SUCLG2: variants seen among roughly 807,000 people sequenced by gnomAD.
SUCLG2 encodes succinate-CoA ligase GDP-forming subunit beta.
In SUCLG2, 42 loss-of-function variants were observed where a neutral mutation model predicts 47.9. The ratio of observed to expected loss-of-function variants is 0.88; its 90% confidence interval spans 0.69 to 1.14. The LOEUF is 1.14. Among genes scored for constraint, SUCLG2 ranks in the 50% most tolerant of loss-of-function variants. The probability of loss-of-function intolerance (pLI) is 0.00; values close to 1 mark genes in which losing one functional copy is unlikely to be tolerated. For synonymous variants in SUCLG2, 195 were observed against 197.3 expected (o/e 0.99, Z 0.10); for missense variants, 571 against 525.9 (o/e 1.09, Z -0.84).
At chr3:67,583,307 T>C (rs560770452) in intron 2 of SUCLG2, among the ~76,000 whole-genome samples, 15 of 152,300 alleles carry the variant, frequency 9.8e-5, no homozygotes, top group African/African-American at 3.6e-4. Flanking sequence ...TCCTCCCCGC[T>C]TGCCTGCCTC....
At chr3:67,522,306 A>G (rs1706130108) in intron 4 of SUCLG2, among the ~76,000 whole-genome samples, 1 of 151,964 alleles carries the variant, frequency 6.6e-6, no homozygotes, top group African/African-American at 2.4e-5. Context: ...AAGATTCCCA[A>G]AGTGTTGGGA....
At chr3:67,449,685 G>A (rs868307275) in intron 9 of SUCLG2, among the ~76,000 whole-genome samples, 6 of 150,482 alleles carry the variant, frequency 4.0e-5, no homozygotes, top group South Asian at 2.1e-4. Flanking sequence ...GCGTGACCTC[G>A]CTCACTGGAG....
chr3:67,453,808 T>C (rs777128464), intron 9 of SUCLG2, among the ~76,000 whole-genome samples: 13 of 152,228 alleles, frequency 8.5e-5, no homozygotes, highest in Non-Finnish European at 1.5e-4. Flanking sequence ...CTGTGTTCAC[T>C]GGTCACATGT....
chr3:67,403,100 G>A (rs967777249), intron 9 of SUCLG2, among the ~76,000 whole-genome samples: 1 of 152,144 alleles, frequency 6.6e-6, no homozygotes, highest in Non-Finnish European at 1.5e-5. Context: ...AGAGTCCGAT[G>A]TTAAAAATAG....
In SUCLG2 at chr3:67,512,755, C is replaced by T. The variant is rs1705830290; in HGVS notation, c.661-3852G>A. The stretch of plus-strand genomic sequence containing the variant: ...CCTAGAACTTCTTCATCTTCCCTCA[C>T]ACTCTGTATCGCTAAACAAACTCCC... On this transcript the variant is annotated intron_variant, in intron 6 of 10. Coordinates refer to ENST00000307227, the MANE Select transcript of SUCLG2 (RefSeq NM_003848.4). Among the ~76,000 whole-genome samples, 2 of 150,848 alleles carry T rather than the reference C, an allele frequency of 1.3e-5. 1 individual carries two copies. The highest frequency in any genetic ancestry group is 5.0e-5 in the African/African-American group (2 of 40,282).
chr3:67,409,159 G>T (rs1419399510), intron 9 of SUCLG2: 1 of 1,132,440 alleles, frequency 8.8e-7, no homozygotes, highest in Non-Finnish European at 1.2e-6. Flanking sequence ...TCATGGTTTT[G>T]GCATTTCCTA....
At chr3:67,386,928 G>T (rs146929433) in intron 10 of SUCLG2, among the ~76,000 whole-genome samples, 423 of 152,250 alleles carry the variant, frequency 2.8e-3, no homozygotes, top group African/African-American at 9.6e-3. Flanking sequence ...CCTTTGACAT[G>T]AAGACTCCCA....
intron 5 of SUCLG2, 143 bp downstream of exon 5, chr3:67,520,339 A>G: frequency 8.3e-7 from 1 of 1,207,154 alleles, no homozygotes; most frequent in Non-Finnish European, 1.2e-6. Context: ...CTGGATACCC[A>G]GAAAGAAAAA....
chr3:67,550,331 C>CT (rs1023023288), intron 2 of SUCLG2, among the ~76,000 whole-genome samples: 8 of 151,886 alleles, frequency 5.3e-5, no homozygotes, highest in Admixed American at 3.3e-4. Context: ...ACACATCTTC[C>CT]TTTTTTTTGT....
chr3:67,520,622 C>A lies in SUCLG2; in HGVS notation c.430G>T (p.Glu144Ter). The A allele has an allele frequency of 1.2e-6, 2 of 1,611,898 alleles. No homozygotes were observed. Among genetic ancestry groups the A allele is most frequent in the Non-Finnish European group, 1.7e-6 (2 of 1,179,286 alleles). ...GTTTCTCTGGAAATATCCAAGGCTT[C>A]AGCAACCATCACCTACCACATTAGT... ...GVKVNKVMVA[E>*]ALDISRETYL... Residue 144 changes from glutamate (E) to a stop codon, truncating the protein, a stop_gained, in exon 5 of 11, where the codon GAA becomes TAA. Transcript: ENST00000307227. LOFTEE classifies it high-confidence loss of function.
chr3:67,645,648 G>C (rs1465577902), intron 1 of SUCLG2, among the ~76,000 whole-genome samples: 2 of 151,800 alleles, frequency 1.3e-5, no homozygotes, highest in Non-Finnish European at 2.9e-5. Context: ...CACTTTAAAA[G>C]AGCCCTGAAT....
intron 2 of SUCLG2, among the ~76,000 whole-genome samples, chr3:67,541,225 T>C (rs1328598075): frequency 6.6e-6 from 1 of 152,102 alleles, no homozygotes; most frequent in Non-Finnish European, 1.5e-5. Flanking sequence ...TTGACAGAAG[T>C]AGGTTTCAGA....
intron 7 of SUCLG2, among the ~76,000 whole-genome samples, chr3:67,501,159 T>A (rs755552057): frequency 1.3e-5 from 2 of 152,182 alleles, no homozygotes; most frequent in Non-Finnish European, 2.9e-5. Context: ...ATTGGATCAT[T>A]GCATGTATGT....
chr3:67,360,460 T>C, exon 11 of SUCLG2: 1 of 629,576 alleles, frequency 1.6e-6, no homozygotes, highest in East Asian at 2.8e-5. Context: ...ATTACCTACC[T>C]GGACACAATT....
intron 2 of SUCLG2, among the ~76,000 whole-genome samples, chr3:67,566,476 T>C (rs908098813): frequency 2.0e-5 from 3 of 152,206 alleles, no homozygotes; most frequent in Admixed American, 6.5e-5. Context: ...TAGTCACATA[T>C]ACATATGTAT....
At chr3:67,364,843 G>A (rs978858567) in intron 10 of SUCLG2, among the ~76,000 whole-genome samples, 7 of 152,176 alleles carry the variant, frequency 4.6e-5, no homozygotes, top group African/African-American at 1.7e-4. Context: ...GGAGATGACA[G>A]GAATGGCAGA....
At chr3:67,473,937 ATCT>A (rs1048401184) in intron 9 of SUCLG2, among the ~76,000 whole-genome samples, 5 of 152,290 alleles carry the variant, frequency 3.3e-5, no homozygotes, top group Middle Eastern at 3.4e-3. Context: ...GGTCAACATC[ATCT>A]TCTTGTGGTC....
intron 10 of SUCLG2, among the ~76,000 whole-genome samples, chr3:67,391,170 A>C (rs185825027): frequency 2.9e-3 from 449 of 152,272 alleles, no homozygotes; most frequent in African/African-American, 0.01. Flanking sequence ...TCATTCTTAC[A>C]AATCTCTCTA....
At chr3:67,654,014 AG>A (rs1270677459) in intron 1 of SUCLG2, among the ~76,000 whole-genome samples, 4 of 152,250 alleles carry the variant, frequency 2.6e-5, no homozygotes, top group Non-Finnish European at 5.9e-5. Flanking sequence ...CTGCAAAAGC[AG>A]GTAGCCTGCA....
Sources: gnomAD v4.1 joint callset for allele counts (sites outside exome capture counted in the v4.1 genomes callset) on GRCh38, gnomAD v4.1.1 for gene constraint, MANE v1.5 for transcripts, NCBI Gene and HGNC (gene_info 2026-07-23, HGNC 2026-07-21) for gene names.